Variants in PCDH15 observed in about 807,000 individuals in gnomAD.
PCDH15 encodes the protein protocadherin related 15, also known as protocadherin-15.
A neutral mutation model predicts 178.5 loss-of-function variants in PCDH15; 129 were observed. That is an observed-to-expected ratio of 0.72 (90% CI 0.63 to 0.84). PCDH15 has a LOEUF of 0.84. PCDH15 is among the 40% of genes least tolerant of loss of function. PCDH15 has a pLI of 0.00. For missense variants in PCDH15, 2,230 were observed against 2,099.9 expected, an observed-to-expected ratio of 1.06 and a Z score of -1.21; for synonymous variants, 800 against 732.0, an observed-to-expected ratio of 1.09 and a Z score of -1.50.
chr10:53,891,969 AAAAC>A (rs2081586986), intron 26 of PCDH15, among the ~76,000 whole-genome samples: 1 of 151,728 alleles, frequency 6.6e-6, no homozygotes, highest in Admixed American at 6.6e-5. Context: ...ACTCCATATC[AAAAC>A]AAACAAACAA....
intron 2 of PCDH15, among the ~76,000 whole-genome samples, chr10:55,015,766 C>T (rs947679291): frequency 1.1e-4 from 16 of 152,200 alleles, no homozygotes; most frequent in Non-Finnish European, 1.9e-4. Flanking sequence ...GCAGCAGATG[C>T]GCTAGGTGCC....
At chr10:54,403,390 C>G (rs1346777870) in intron 3 of PCDH15, among the ~76,000 whole-genome samples, 1 of 152,022 alleles carries the variant, frequency 6.6e-6, no homozygotes, top group Non-Finnish European at 1.5e-5. Flanking sequence ...TAAAATTCAA[C>G]ACACATTCAT....
At chr10:54,789,434 T>C (rs1029806200) in intron 1 of PCDH15, among the ~76,000 whole-genome samples, 1 of 151,846 alleles carries the variant, frequency 6.6e-6, no homozygotes, top group African/African-American at 2.4e-5. Context: ...TGTGTGTGTG[T>C]ATGTGTGTGT....
chr10:53,822,366 G>A (rs1219291026), intron 32 of PCDH15: 1 of 1,576,614 alleles, frequency 6.3e-7, no homozygotes, highest in Admixed American at 1.9e-5. Context: ...AAGAGGAAGA[G>A]GGATAGAAGG....
chr10:54,552,564 T>A (rs186995313), intron 2 of PCDH15, among the ~76,000 whole-genome samples: 18 of 152,282 alleles, frequency 1.2e-4, no homozygotes, highest in African/African-American at 4.3e-4. Context: ...CTCCTTTGTT[T>A]TGGGAAAATT....
chr10:54,856,095 A>G (rs531226504), intron 3 of PCDH15, among the ~76,000 whole-genome samples: 4 of 152,330 alleles, frequency 2.6e-5, no homozygotes, highest in Non-Finnish European at 2.9e-5. Context: ...TTGTATTTAA[A>G]TAGTATGATT....
intron 1 of PCDH15, among the ~76,000 whole-genome samples, chr10:54,698,038 G>C (rs2095259565): frequency 6.6e-6 from 1 of 151,968 alleles, no homozygotes; most frequent in South Asian, 2.1e-4. Context: ...TATAAGTAAT[G>C]AAGCAGTCAA....
intron 4 of PCDH15, among the ~76,000 whole-genome samples, chr10:54,378,446 A>C (rs1401758752): frequency 6.6e-6 from 1 of 152,014 alleles, no homozygotes; most frequent in Non-Finnish European, 1.5e-5. Flanking sequence ...TGAGTGACAC[A>C]CTTACATGTT....
chr10:55,304,931 C>A (rs1010098900), intron 1 of PCDH15, among the ~76,000 whole-genome samples: 1 of 152,142 alleles, frequency 6.6e-6, no homozygotes. Context: ...ACTGATTGAA[C>A]TATTTCCCTC....
Position 53,823,312 on chromosome 10 carries a change from C to CTGAGT in PCDH15, c.4368-3087_4368-3083dup, listed in dbSNP as rs749884609. 1.9e-6 allele frequency: 3 copies of CTGAGT among 1,613,752 alleles called. No homozygotes were observed. The African/African-American group carries it at 4.0e-5, about 22-fold the overall frequency. On this transcript the variant is annotated intron_variant, in intron 32 of 37. Transcript: ENST00000644397. ...TGTTGATGTTTCCTGTCTTCTGAGA[C>CTGAGT]TGAGTTATTTCCCCTGCTTTGTTGA...
intron 1 of PCDH15, among the ~76,000 whole-genome samples, chr10:55,230,300 G>C (rs1223299795): frequency 6.6e-6 from 1 of 151,858 alleles, no homozygotes; most frequent in Non-Finnish European, 1.5e-5. Context: ...ATAACATTTA[G>C]CATCTATATA....
intron 2 of PCDH15, among the ~76,000 whole-genome samples, chr10:55,442,156 C>A (rs1467029951): frequency 3.9e-5 from 6 of 151,908 alleles, no homozygotes; most frequent in Admixed American, 3.9e-4. Flanking sequence ...TAATAGGTAC[C>A]TAACCCTGCG....
At chr10:55,522,660 G>A (rs1841208632) in intron 2 of PCDH15, among the ~76,000 whole-genome samples, 1 of 151,574 alleles carries the variant, frequency 6.6e-6, no homozygotes, top group Non-Finnish European at 1.5e-5. Flanking sequence ...TTACCCATTT[G>A]CATAAAATAA....
intron 2 of PCDH15, among the ~76,000 whole-genome samples, chr10:55,329,299 C>T (rs1028644251): frequency 6.6e-6 from 1 of 151,434 alleles, no homozygotes; most frequent in Admixed American, 6.6e-5. Flanking sequence ...TAAAAGGCTA[C>T]ATGTATTGTG....
At chr10:54,669,502 A>T (rs977277949) in intron 1 of PCDH15, among the ~76,000 whole-genome samples, 1 of 151,266 alleles carries the variant, frequency 6.6e-6, no homozygotes, top group Admixed American at 6.6e-5. Context: ...AATTTACATT[A>T]ATGATAGGTA....
intron 2 of PCDH15, among the ~76,000 whole-genome samples, chr10:55,587,169 C>A (rs1055720103): frequency 1.3e-5 from 2 of 151,966 alleles, no homozygotes; most frequent in African/African-American, 2.4e-5. Context: ...ATACATTATA[C>A]ATGTTATACA....
In PCDH15 at chr10:54,593,746, C is replaced by CTG. The variant is rs542108685; in HGVS notation, c.92-65871_92-65870dup. Reference sequence around the variant, plus strand: ...GAATTTTGACAGGGATTGCATGAACCTGTTGATTCCTTTTGGCTAGCATGG... The same window carrying CTG: ...GAATTTTGACAGGGATTGCATGAACCTGTGTTGATTCCTTTTGGCTAGCATGG... On this transcript the variant is annotated intron_variant, in intron 2 of 37. Coordinates refer to ENST00000644397, the MANE Select transcript of PCDH15 (RefSeq NM_001384140.1). Among the ~76,000 whole-genome samples, 365 of 152,122 alleles carry CTG rather than the reference C, an allele frequency of 2.4e-3. 2 individuals carry two copies. The highest frequency in any genetic ancestry group is 8.5e-3 in the African/African-American group (351 of 41,508).
At position 53,911,638 on chromosome 10, in the gene PCDH15, C is replaced by CA. The variant is rs1346704093; in HGVS notation, c.3374-8269dup. On this transcript the variant is annotated intron_variant, in intron 25 of 37. Coordinates refer to ENST00000644397, the MANE Select transcript of PCDH15 (RefSeq NM_001384140.1). ...GGAGATAGAAACACAAAGAACCCTT[C>CA]AAAAAAATCAATGAATCCAGGAGCT... Among the ~76,000 whole-genome samples, 13 of 152,168 alleles carry CA rather than the reference C, an allele frequency of 8.5e-5. No individual in the cohort carries two copies. In the East Asian group the frequency reaches 2.3e-3, roughly 27 times the overall value.
At chr10:54,780,666 C>T (rs1950268757) in intron 1 of PCDH15, among the ~76,000 whole-genome samples, 1 of 145,472 alleles carries the variant, frequency 6.9e-6, no homozygotes, top group Non-Finnish European at 1.5e-5. Flanking sequence ...GGGCTCCACA[C>T]ATCAGGATTT....
Sources: allele counts gnomAD v4.1 joint callset (sites outside exome capture counted in the v4.1 genomes callset), GRCh38; gene constraint gnomAD v4.1.1; transcripts MANE v1.5; gene names NCBI Gene and HGNC (gene_info 2026-07-23, HGNC 2026-07-21).